ATF7IP: variants seen among roughly 807,000 people sequenced by gnomAD.
ATF7IP encodes activating transcription factor 7-interacting protein 1.
In ATF7IP, 23 loss-of-function variants were observed where a neutral mutation model predicts 106.4. The ratio of observed to expected loss-of-function variants is 0.22; its 90% CI spans 0.16 to 0.31. The LOEUF is 0.31. Ranked by LOEUF, ATF7IP falls within the 10% of genes least tolerant of loss-of-function variation. The pLI, the probability that ATF7IP is intolerant of heterozygous loss-of-function variation, is 1.00. For missense variants in ATF7IP, 1,334 were observed against 1,524.3 expected, an observed-to-expected ratio of 0.88 and a Z score of 2.08; for synonymous variants, 542 against 539.0, an observed-to-expected ratio of 1.01 and a Z score of -0.08.
intron 1 of ATF7IP, among the ~76,000 whole-genome samples, chr12:14,368,946 T>A (rs1938415726): frequency 6.6e-6 from 1 of 151,816 alleles, no homozygotes; most frequent in South Asian, 2.1e-4. Context: ...TAGTAAAATG[T>A]ACTGCCCCCC....
chr12:14,443,525 G>A (rs1942808817), intron 5 of ATF7IP, among the ~76,000 whole-genome samples: 1 of 152,140 alleles, frequency 6.6e-6, no homozygotes, highest in Non-Finnish European at 1.5e-5. Flanking sequence ...TGCCAAATCA[G>A]GATTTGTTAA....
In ATF7IP at chr12:14,424,438, A is replaced by C. The variant is rs551306942; in HGVS notation, c.523A>C (p.Thr175Pro). 2 of 1,612,448 alleles carry C rather than the reference A, an allele frequency of 1.2e-6. No homozygotes were observed. The highest frequency in any genetic ancestry group is 2.7e-5 in the African/African-American group (2 of 74,436). Reference sequence around the variant, plus strand: ...TAGTGATGCTGCCTCTGGTGATGCAACCTCTGGTGATGCCCCTTCTGGTGA... The same window carrying C: ...TAGTGATGCTGCCTCTGGTGATGCACCCTCTGGTGATGCCCCTTCTGGTGA... ...SSSDAASGDATSGDAPSGDVS... is the reference protein window; with the variant it reads ...SSSDAASGDAPSGDAPSGDVS... Residue 175 changes from threonine (T) to proline (P), a missense_variant, in exon 2 of 15, where the codon ACC (threonine) becomes CCC (proline). Transcript: ENST00000261168.
intron 1 of ATF7IP, among the ~76,000 whole-genome samples, chr12:14,378,329 C>T (rs1167506868): frequency 6.6e-6 from 1 of 152,052 alleles, no homozygotes; most frequent in East Asian, 1.9e-4. Context: ...AACTCCCGAC[C>T]TCAGGTGATC....
intron 10 of ATF7IP, among the ~76,000 whole-genome samples, chr12:14,474,863 A>G (rs889192792): frequency 2.0e-5 from 3 of 152,072 alleles, no homozygotes; most frequent in Non-Finnish European, 4.4e-5. Context: ...ATTATTTTAC[A>G]TTTGTTGATG....
At position 14,425,047 on chromosome 12, in the gene ATF7IP, G is replaced by C; in HGVS notation, c.1132G>C (p.Glu378Gln). Residue 378 changes from glutamate (E) to glutamine (Q), a missense_variant, in exon 2 of 15, where the codon GAG (glutamate) becomes CAG (glutamine). This residue lies in a region of ATF7IP where 438 missense variants were observed against 405.3 expected (regional missense o/e 1.08). Coordinates refer to ENST00000261168, the MANE Select transcript of ATF7IP (RefSeq NM_018179.5). ...GAAGGTAGAGGAAGATATTATCACAGAGCTTGCTCTTGGAGAAGATGCTAT... is the reference window on the plus strand; with the variant it reads ...GAAGGTAGAGGAAGATATTATCACACAGCTTGCTCTTGGAGAAGATGCTAT... ...EKKVEEDIIT[E>Q]LALGEDAISS... is the part of the protein sequence containing the mutation. 6.2e-7 allele frequency: 1 copy of C among 1,607,486 alleles called. No individual in the cohort carries two copies. Among genetic ancestry groups the C allele is most frequent in the Non-Finnish European group, 8.5e-7 (1 of 1,178,294 alleles).
intron 2 of ATF7IP, among the ~76,000 whole-genome samples, chr12:14,427,096 A>T (rs1197822984): frequency 2.7e-5 from 4 of 149,644 alleles, no homozygotes; most frequent in African/African-American, 5.0e-5. Flanking sequence ...CCCTTTTAAT[A>T]TCTGTATAAC....
intron 5 of ATF7IP, among the ~76,000 whole-genome samples, chr12:14,441,650 C>T (rs543497404): frequency 2.0e-5 from 3 of 151,894 alleles, no homozygotes; most frequent in African/African-American, 4.8e-5. Context: ...CCACCACGCC[C>T]GGCCAATTTT....
intron 3 of ATF7IP, 21 bp from the exon 4 acceptor site, chr12:14,436,085 C>A: frequency 6.2e-7 from 1 of 1,609,646 alleles, no homozygotes; most frequent in South Asian, 1.1e-5. Context: ...TGAGTGTGAT[C>A]ATTGTGGTTT....
chr12:14,485,268 A>T (rs1001743000), intron 13 of ATF7IP, among the ~76,000 whole-genome samples: 2 of 151,832 alleles, frequency 1.3e-5, no homozygotes, highest in Non-Finnish European at 2.9e-5. Flanking sequence ...ACACACCCAC[A>T]TGAGGAATGT....
chr12:14,436,080 G>A (rs1184084587), intron 3 of ATF7IP, 26 bp from the exon 4 acceptor site: 2 of 1,608,416 alleles, frequency 1.2e-6, no homozygotes, highest in Non-Finnish European at 1.7e-6. Context: ...ACACCTGAGT[G>A]TGATCATTGT....
chr12:14,465,066 A>G (rs776527732), intron 9 of ATF7IP, among the ~76,000 whole-genome samples: 4 of 152,106 alleles, frequency 2.6e-5, no homozygotes, highest in African/African-American at 4.8e-5. Context: ...GTAAACAAAA[A>G]TTAGCCAGGC....
chr12:14,392,719 A>T (rs1280348559), intron 1 of ATF7IP, among the ~76,000 whole-genome samples: 3 of 152,194 alleles, frequency 2.0e-5, no homozygotes, highest in Non-Finnish European at 4.4e-5. Context: ...TGAGCACTAC[A>T]CAAAATGTGG....
intron 1 of ATF7IP, among the ~76,000 whole-genome samples, chr12:14,392,611 A>G (rs1157359025): frequency 2.0e-5 from 3 of 152,150 alleles, no homozygotes; most frequent in African/African-American, 7.2e-5. Context: ...TTGTGGAGGG[A>G]GTGGGAAGAC....
At chr12:14,380,119 T>G (rs867600328) in intron 1 of ATF7IP, among the ~76,000 whole-genome samples, 1 of 152,132 alleles carries the variant, frequency 6.6e-6, no homozygotes, top group Non-Finnish European at 1.5e-5. Context: ...TCCTATTGAG[T>G]TTTTCATTTT....
intron 1 of ATF7IP, among the ~76,000 whole-genome samples, chr12:14,418,641 T>C (rs769808741): frequency 8.5e-5 from 13 of 152,222 alleles, no homozygotes; most frequent in Non-Finnish European, 1.6e-4. Flanking sequence ...AATACATTTC[T>C]AAAAGCAGAC....
intron 1 of ATF7IP, among the ~76,000 whole-genome samples, chr12:14,402,350 A>C (rs577454036): frequency 6.6e-6 from 1 of 151,286 alleles, no homozygotes; most frequent in Non-Finnish European, 1.5e-5. Flanking sequence ...CTGGTCTTGA[A>C]TTCCTGGGCT....
intron 4 of ATF7IP, among the ~76,000 whole-genome samples, chr12:14,437,557 C>G (rs992286311): frequency 2.0e-5 from 3 of 152,030 alleles, no homozygotes; most frequent in Non-Finnish European, 4.4e-5. Context: ...GTGCCAATGT[C>G]TTTGTTGTGG....
At chr12:14,381,314 C>T (rs1938994079) in intron 1 of ATF7IP, among the ~76,000 whole-genome samples, 2 of 152,138 alleles carry the variant, frequency 1.3e-5, no homozygotes, top group African/African-American at 4.8e-5. Flanking sequence ...TCACTGCAGC[C>T]TCCACCTCCC....
intron 6 of ATF7IP, among the ~76,000 whole-genome samples, chr12:14,455,024 CA>C (rs1423296583): frequency 2.0e-5 from 3 of 151,956 alleles, no homozygotes; most frequent in South Asian, 2.1e-4. Flanking sequence ...ACTAAAAATA[CA>C]AAAATTAGCC....
Sources: allele counts gnomAD v4.1 joint callset (sites outside exome capture counted in the v4.1 genomes callset), GRCh38; gene constraint gnomAD v4.1.1; regional missense constraint gnomAD v4.1.1; transcripts MANE v1.5; gene names NCBI Gene and HGNC (gene_info 2026-07-23, HGNC 2026-07-21).